The following FUT8 variants were observed in gnomAD, a reference collection of about 807,000 sequenced individuals.
The protein encoded by FUT8 is alpha-(1,6)-fucosyltransferase.
Under a neutral mutation model 71.3 loss-of-function variants are expected in FUT8, and 29 were observed. That is an observed-to-expected ratio of 0.41 (90% confidence interval 0.30 to 0.55). The LOEUF (loss-of-function observed/expected upper bound fraction) is 0.55. Ranked by LOEUF, FUT8 falls within the 20% of genes least tolerant of loss-of-function variation. The pLI is 0.34. For synonymous variants in FUT8, 254 were observed against 239.3 expected, an observed-to-expected ratio of 1.06 and a Z score of -0.57; for missense variants, 544 against 702.1, an observed-to-expected ratio of 0.77 and a Z score of 2.55.
chr14:65,469,508 G>A (rs907665138), intron 2 of FUT8, among the ~76,000 whole-genome samples: 14 of 152,174 alleles, frequency 9.2e-5, no homozygotes, highest in Admixed American at 6.5e-4. Flanking sequence ...GGCCAGTGGC[G>A]CCTTTGCCCG....
At chr14:65,602,627 A>T (rs1399611980) in intron 3 of FUT8, among the ~76,000 whole-genome samples, 8 of 151,762 alleles carry the variant, frequency 5.3e-5, no homozygotes, top group Admixed American at 5.3e-4. Context: ...ACTAGTTTAC[A>T]TTCCCACCAG....
intron 3 of FUT8, among the ~76,000 whole-genome samples, chr14:65,567,141 G>A (rs758658515): frequency 1.3e-5 from 2 of 151,916 alleles, no homozygotes; most frequent in Non-Finnish European, 2.9e-5. Context: ...AAATTCAAAT[G>A]TGGCTTTTGG....
intron 2 of FUT8, among the ~76,000 whole-genome samples, chr14:65,525,598 T>C (rs1883405687): frequency 6.6e-6 from 1 of 152,242 alleles, no homozygotes; most frequent in African/African-American, 2.4e-5. Context: ...TCTTGCCTTC[T>C]GCTAGCTTTT....
At chr14:65,439,952 G>GTACATATATA in intron 1 of FUT8, among the ~76,000 whole-genome samples, 1 of 38,222 alleles carries the variant, frequency 2.6e-5, no homozygotes, top group South Asian at 1.1e-3. Flanking sequence ...GTGTGTGTGT[G>GTACATATATA]TGTATATATA....
At chr14:65,554,621 A>G (rs1052348952) in intron 2 of FUT8, among the ~76,000 whole-genome samples, 2 of 151,986 alleles carry the variant, frequency 1.3e-5, no homozygotes, top group African/African-American at 4.8e-5. Flanking sequence ...TCAGTCCAAC[A>G]GTGGTTTGAG....
At chr14:65,713,041 T>C (rs182117568) in intron 7 of FUT8, among the ~76,000 whole-genome samples, 1 of 152,302 alleles carries the variant, frequency 6.6e-6, no homozygotes, top group East Asian at 1.9e-4. Context: ...CATCCTCCCT[T>C]ACCCCCCACC....
chr14:65,496,843 T>C (rs1008981393), intron 2 of FUT8, among the ~76,000 whole-genome samples: 1 of 152,098 alleles, frequency 6.6e-6, no homozygotes. Flanking sequence ...GTTGTTGCCG[T>C]GGTGCTTCAG....
chr14:65,719,789 C>A (rs769698177), intron 7 of FUT8, among the ~76,000 whole-genome samples: 1 of 152,226 alleles, frequency 6.6e-6, no homozygotes, highest in Non-Finnish European at 1.5e-5. Context: ...GTTCTCTTCC[C>A]TTACTTTGTC....
chr14:65,448,827 CTG>C (rs1297239415), intron 1 of FUT8, among the ~76,000 whole-genome samples: 1 of 152,212 alleles, frequency 6.6e-6, no homozygotes, highest in Non-Finnish European at 1.5e-5. Context: ...AGGATAATGA[CTG>C]TAAAAGCATC....
At position 65,726,005 on chromosome 14, in the gene FUT8, C is replaced by T. The variant is rs74606640; in HGVS notation, c.1259+1682C>T. On this transcript the variant is annotated intron_variant, in intron 9 of 10. Transcript: ENST00000673929. ...ATGCACACACTACCATATACATGCG[C>T]GCATGCGTGCACACACACACACACT... Among the ~76,000 whole-genome samples, 762 of 152,192 alleles carry T rather than the reference C, an allele frequency of 5.0e-3. 8 individuals carry two copies. The highest frequency in any genetic ancestry group is 0.017 in the African/African-American group (719 of 41,512).
intron 3 of FUT8, among the ~76,000 whole-genome samples, chr14:65,591,404 A>G (rs1252544364): frequency 3.3e-5 from 5 of 152,018 alleles, no homozygotes; most frequent in Non-Finnish European, 7.4e-5. Flanking sequence ...TTGAAATTCA[A>G]CTCCCTTGTT....
At chr14:65,395,426 A>C in the FUT8 span, among the ~76,000 whole-genome samples, 6 of 152,188 alleles carry the variant, frequency 3.9e-5, no homozygotes, top group Non-Finnish European at 1.5e-5. Context: ...ACATCCACAC[A>C]CTTCCATACA....
At chr14:65,466,531 C>T (rs1443064307) in intron 2 of FUT8, among the ~76,000 whole-genome samples, 1 of 152,126 alleles carries the variant, frequency 6.6e-6, no homozygotes, top group Non-Finnish European at 1.5e-5. Flanking sequence ...GGGTGGATCA[C>T]CTGAGGTCAG....
At chr14:65,610,957 C>T (rs1888855232) in intron 3 of FUT8, among the ~76,000 whole-genome samples, 1 of 151,440 alleles carries the variant, frequency 6.6e-6, no homozygotes, top group Non-Finnish European at 1.5e-5. Context: ...ATGAGAGATA[C>T]TGTTCTGTAA....
At chr14:65,421,038 C>G (rs1306856788) in intron 1 of FUT8, among the ~76,000 whole-genome samples, 4 of 151,794 alleles carry the variant, frequency 2.6e-5, no homozygotes, top group African/African-American at 9.7e-5. Context: ...ACTAAAAATA[C>G]AAAAATTAGC....
At chr14:65,533,985 C>T (rs538048174) in intron 2 of FUT8, among the ~76,000 whole-genome samples, 2 of 152,306 alleles carry the variant, frequency 1.3e-5, no homozygotes, top group Admixed American at 6.5e-5. Context: ...CCTACTTGAT[C>T]ATGGTGAATT....
At position 65,742,318 on chromosome 14, in the gene FUT8, A is replaced by C. The variant is rs1896544468; in HGVS notation, c.1636A>C (p.Lys546Gln). ...WDGYSKGVNR[K>Q]LGRTGLYPSY... ...TGGCTATTCTAAAGGTGTCAACAGG[A>C]AATTGGGAAGGACGGGCCTATATCC... Residue 546 changes from lysine (K) to glutamine (Q), a missense_variant, in exon 11 of 11, where the codon AAA becomes CAA. Lys to Gln is a moderately conservative substitution (Grantham distance 53). Coordinates refer to ENST00000673929, the MANE Select transcript of FUT8 (RefSeq NM_001371533.1). The C allele has an allele frequency of 6.2e-7, 1 of 1,612,986 alleles. No individual in the cohort carries two copies. The highest frequency in any genetic ancestry group is 1.7e-5 in the Admixed American group (1 of 59,842).
chr14:65,490,194 A>AC (rs2066463381), intron 2 of FUT8, among the ~76,000 whole-genome samples: 1 of 152,000 alleles, frequency 6.6e-6, no homozygotes, highest in Admixed American at 6.6e-5. Context: ...TTTCACCCCC[A>AC]CCCCAAATAA....
chr14:65,573,301 C>T (rs1886587492), intron 3 of FUT8, among the ~76,000 whole-genome samples: 2 of 151,912 alleles, frequency 1.3e-5, no homozygotes, highest in East Asian at 1.9e-4. Flanking sequence ...CATGCTTTCT[C>T]ATTAGGAGTC....
Sources: allele counts gnomAD v4.1 joint callset (sites outside exome capture counted in the v4.1 genomes callset), GRCh38; gene constraint gnomAD v4.1.1; transcripts MANE v1.5; gene names NCBI Gene and HGNC (gene_info 2026-07-23, HGNC 2026-07-21).